Variants in TENM2 observed in about 807,000 individuals in gnomAD.
TENM2 encodes teneurin transmembrane protein 2, also known as teneurin-2.
A neutral mutation model predicts 245.2 loss-of-function variants in TENM2; 52 were observed. The observed-to-expected ratio is 0.21, with a 90% CI of 0.17 to 0.27. TENM2 has a LOEUF of 0.27. TENM2 is among the 10% of genes least tolerant of loss of function. The pLI is 1.00. For synonymous variants in TENM2, 1,363 were observed against 1,438.9 expected (o/e 0.95, Z 1.19); for missense variants, 3,046 against 3,666.8 (o/e 0.83, Z 4.37).
intron 9 of TENM2, among the ~76,000 whole-genome samples, chr5:168,114,660 A>G (rs72826904): frequency 0.011 from 1,613 of 152,224 alleles, 15 homozygotes; most frequent in Non-Finnish European, 0.014. Flanking sequence ...GGATTACTAT[A>G]AAGTCTCGCT....
chr5:167,487,043 T>C (rs1209074292), intron 2 of TENM2, among the ~76,000 whole-genome samples: 3 of 151,646 alleles, frequency 2.0e-5, no homozygotes, highest in Non-Finnish European at 2.9e-5. Flanking sequence ...CAGAATAACA[T>C]ATGAGATGGA....
intron 2 of TENM2, among the ~76,000 whole-genome samples, chr5:167,827,901 G>A (rs1383161207): frequency 6.6e-6 from 1 of 152,080 alleles, no homozygotes; most frequent in Non-Finnish European, 1.5e-5. Flanking sequence ...TAGGATCCCT[G>A]TGATGTCTGC....
intron 20 of TENM2, among the ~76,000 whole-genome samples, chr5:168,213,954 G>A (rs1297163912): frequency 2.0e-5 from 3 of 152,208 alleles, no homozygotes; most frequent in Admixed American, 2.0e-4. Context: ...AACCAGTATA[G>A]GAATAACATG....
At chr5:167,750,368 C>G (rs1416941190) in intron 2 of TENM2, among the ~76,000 whole-genome samples, 1 of 152,090 alleles carries the variant, frequency 6.6e-6, no homozygotes, top group Non-Finnish European at 1.5e-5. Context: ...GCATGTTTCT[C>G]CTTGACTCTT....
chr5:167,863,085 A>C (rs778261578), intron 2 of TENM2, among the ~76,000 whole-genome samples: 6 of 152,162 alleles, frequency 3.9e-5, no homozygotes, highest in Non-Finnish European at 7.3e-5. Flanking sequence ...TTACTGTATA[A>C]CCTTTGTCAA....
At chr5:168,012,817 T>C (rs1298180328) in intron 5 of TENM2, among the ~76,000 whole-genome samples, 2 of 146,684 alleles carry the variant, frequency 1.4e-5, no homozygotes, top group East Asian at 3.9e-4. Flanking sequence ...TGGTTTATAT[T>C]GAGGCTTGAT....
intron 1 of TENM2, among the ~76,000 whole-genome samples, chr5:167,357,066 G>C (rs373663125): frequency 1.3e-5 from 2 of 152,004 alleles, no homozygotes; most frequent in Non-Finnish European, 2.9e-5. Flanking sequence ...TGTTCAAGTC[G>C]ACATTTTTTT....
the TENM2 span, among the ~76,000 whole-genome samples, chr5:166,995,776 T>C: frequency 1.5e-4 from 18 of 123,002 alleles, no homozygotes; most frequent in African/African-American, 4.5e-4. Context: ...AGATGCACCA[T>C]TGCACTCCAG....
intron 2 of TENM2, among the ~76,000 whole-genome samples, chr5:167,692,721 G>A (rs1194158052): frequency 6.6e-6 from 1 of 152,196 alleles, no homozygotes; most frequent in African/African-American, 2.4e-5. Context: ...TCAAGCAGGT[G>A]CCTCCTTCCC....
chr5:167,574,367 G>A (rs932848330), intron 2 of TENM2, among the ~76,000 whole-genome samples: 1 of 152,170 alleles, frequency 6.6e-6, no homozygotes, highest in Non-Finnish European at 1.5e-5. Context: ...TACTGCTTTT[G>A]AACTCCGGGA....
At chr5:168,058,929 A>AC (rs1789796429) in intron 6 of TENM2, among the ~76,000 whole-genome samples, 1 of 152,186 alleles carries the variant, frequency 6.6e-6, no homozygotes, top group Admixed American at 6.5e-5. Context: ...ACAAAAAAAA[A>AC]GGACTGGAAA....
At chr5:168,043,374 C>T (rs1300973245) in intron 5 of TENM2, among the ~76,000 whole-genome samples, 2 of 152,112 alleles carry the variant, frequency 1.3e-5, no homozygotes, top group Non-Finnish European at 2.9e-5. Flanking sequence ...TAGGCGTGAG[C>T]CACCCCATCC....
intron 2 of TENM2, among the ~76,000 whole-genome samples, chr5:167,788,701 T>C (rs1213472760): frequency 6.6e-6 from 1 of 152,204 alleles, no homozygotes; most frequent in Non-Finnish European, 1.5e-5. Context: ...AGTGACATAG[T>C]GTCTCTCACG....
intron 2 of TENM2, among the ~76,000 whole-genome samples, chr5:167,776,159 A>AAT (rs75929048): frequency 1.5e-5 from 2 of 133,116 alleles, no homozygotes; most frequent in South Asian, 5.4e-4. Flanking sequence ...GGAAAAAAAA[A>AAT]TCCACACACA....
intron 1 of TENM2, among the ~76,000 whole-genome samples, chr5:167,353,543 T>A: frequency 8.0e-6 from 1 of 125,706 alleles, no homozygotes; most frequent in African/African-American, 2.9e-5. Flanking sequence ...AGTCTCGCTC[T>A]GTCGCCCAGG....
the TENM2 span, among the ~76,000 whole-genome samples, chr5:167,007,784 C>T: frequency 6.6e-6 from 1 of 152,166 alleles, no homozygotes; most frequent in African/African-American, 2.4e-5. This position sits in a 1 kb window ranked among gnomAD's most constrained non-coding sequence, Gnocchi z 4.2. Context: ...GCCACTGTGC[C>T]ACAGGTGAGG....
chr5:167,445,371 T>TGAGA (rs370726285), intron 2 of TENM2, among the ~76,000 whole-genome samples: 26,681 of 81,332 alleles, frequency 0.33, 2,931 homozygotes, highest in East Asian at 0.43. Context: ...AGAGAGAGAG[T>TGAGA]GTCAGGTGTT....
At chr5:167,854,116 G>A (rs1770851351) in intron 2 of TENM2, among the ~76,000 whole-genome samples, 1 of 152,084 alleles carries the variant, frequency 6.6e-6, no homozygotes, top group South Asian at 2.1e-4. Flanking sequence ...TGAAGATATA[G>A]TTCTCCTATA....
At chr5:167,419,249 G>T (rs1366977016) in intron 2 of TENM2, among the ~76,000 whole-genome samples, 1 of 152,034 alleles carries the variant, frequency 6.6e-6, no homozygotes, top group Non-Finnish European at 1.5e-5. Context: ...ATCGCTTGAG[G>T]TCAGAAGTTC....
Sources: gnomAD v4.1 joint callset for allele counts (sites outside exome capture counted in the v4.1 genomes callset) on GRCh38, gnomAD v4.1.1 for gene constraint, Gnocchi (gnomAD v3.1) non-coding constraint, MANE v1.5 for transcripts, NCBI Gene and HGNC (gene_info 2026-07-23, HGNC 2026-07-21) for gene names.